The following DCDC1 variants were observed in gnomAD, a reference collection of about 807,000 sequenced individuals.
DCDC1 encodes doublecortin domain containing 1, also known as doublecortin domain-containing protein 1.
Under a neutral mutation model 178.3 loss-of-function variants are expected in DCDC1, and 200 were observed. That is an observed-to-expected ratio of 1.12 (90% confidence interval 1.00 to 1.26). DCDC1 has a LOEUF of 1.26. DCDC1 is among the 50% of genes most tolerant of loss of function. DCDC1 has a pLI of 0.00. For missense variants in DCDC1, 1,983 were observed against 1,749.2 expected (o/e 1.13, Z -2.38); for synonymous variants, 690 against 604.8 (o/e 1.14, Z -2.07).
chr11:30,891,178 G>A (rs1175195072), intron 36 of DCDC1, among the ~76,000 whole-genome samples: 1 of 152,032 alleles, frequency 6.6e-6, no homozygotes, highest in Non-Finnish European at 1.5e-5. Context: ...TGCTACTTAC[G>A]ACTATTGATG....
intron 36 of DCDC1, among the ~76,000 whole-genome samples, chr11:30,884,033 A>ATTTTTTTTTTTTTTTTTTTTTTTTTTT (rs59940255): frequency 3.1e-5 from 3 of 95,784 alleles, no homozygotes; most frequent in Admixed American, 1.3e-4. Context: ...ATTCTTTCTC[A>ATTTTTTTTTTTTTTTTTTTTTTTTTTT]TTTTTTTTTT....
chr11:31,303,196 A>G (rs1948227269), intron 6 of DCDC1, among the ~76,000 whole-genome samples: 1 of 152,222 alleles, frequency 6.6e-6, no homozygotes, highest in Non-Finnish European at 1.5e-5. Flanking sequence ...CACAGCTTTT[A>G]TCTTTCTCTG....
chr11:30,968,244 G>T (rs1003404497), intron 20 of DCDC1, among the ~76,000 whole-genome samples: 7 of 152,112 alleles, frequency 4.6e-5, no homozygotes, highest in Admixed American at 4.6e-4. Context: ...TTCCTGAGGG[G>T]TTTGAAGAGT....
intron 35 of DCDC1, among the ~76,000 whole-genome samples, chr11:30,893,573 C>T (rs754729097): frequency 2.0e-4 from 30 of 152,190 alleles, no homozygotes; most frequent in Non-Finnish European, 3.2e-4. Flanking sequence ...TAGCTTGGCA[C>T]GAAGTCTTAT....
chr11:31,046,726 G>C (rs1344377624), intron 20 of DCDC1, among the ~76,000 whole-genome samples: 1 of 151,586 alleles, frequency 6.6e-6, no homozygotes, highest in African/African-American at 2.4e-5. Context: ...CTCGTGATGA[G>C]AGCTTTCTGC....
At chr11:30,885,641 C>T (rs1943097824) in intron 36 of DCDC1, among the ~76,000 whole-genome samples, 1 of 151,976 alleles carries the variant, frequency 6.6e-6, no homozygotes, top group Non-Finnish European at 1.5e-5. Flanking sequence ...CATTTTTCTT[C>T]TGTCGAACCT....
At chr11:30,927,751 A>C (rs1398769658) in intron 22 of DCDC1, among the ~76,000 whole-genome samples, 1 of 152,196 alleles carries the variant, frequency 6.6e-6, no homozygotes, top group Non-Finnish European at 1.5e-5. Context: ...TGGAAAAATC[A>C]ACAACAACAA....
chr11:31,315,420 T>TC (rs1393158482), intron 3 of DCDC1, among the ~76,000 whole-genome samples: 4 of 135,616 alleles, frequency 2.9e-5, no homozygotes, highest in Admixed American at 8.6e-5. Context: ...CACTGCAAGC[T>TC]CCACCTCCCA....
chr11:30,979,682 C>T (rs1217870146), intron 20 of DCDC1, among the ~76,000 whole-genome samples: 2 of 152,142 alleles, frequency 1.3e-5, no homozygotes, highest in African/African-American at 4.8e-5. Flanking sequence ...TTACAGATGC[C>T]TACAGCCATA....
chr11:31,039,828 G>A (rs288467), intron 20 of DCDC1, among the ~76,000 whole-genome samples: 74,253 of 151,838 alleles, frequency 0.49, 18,407 homozygotes, highest in Middle Eastern at 0.57. Flanking sequence ...TACCTGGCTC[G>A]TGATAGTTGT....
chr11:30,988,015 G>C (rs1179454747), intron 20 of DCDC1, among the ~76,000 whole-genome samples: 1 of 151,614 alleles, frequency 6.6e-6, no homozygotes, highest in African/African-American at 2.4e-5. Context: ...TTAGATACAG[G>C]AGATTAGGTC....
chr11:31,242,773 T>A (rs1171820261), intron 8 of DCDC1, among the ~76,000 whole-genome samples: 1 of 151,912 alleles, frequency 6.6e-6, no homozygotes, highest in Non-Finnish European at 1.5e-5. Context: ...GTTATGCAAA[T>A]AGCCTTTGCT....
At chr11:31,345,836 G>A (rs1447517934) in intron 1 of DCDC1, among the ~76,000 whole-genome samples, 1 of 151,976 alleles carries the variant, frequency 6.6e-6, no homozygotes, top group Non-Finnish European at 1.5e-5. Context: ...AATATAGATG[G>A]AATAAAAGAA....
At chr11:30,951,567 G>A (rs10835728) in intron 21 of DCDC1, among the ~76,000 whole-genome samples, 71,366 of 151,672 alleles carry the variant, frequency 0.47, 18,148 homozygotes, top group Middle Eastern at 0.6. Context: ...GTGATCTAAT[G>A]GAAAATTATT....
chr11:31,209,249 A>T (rs1462154704), intron 9 of DCDC1, among the ~76,000 whole-genome samples: 1 of 152,226 alleles, frequency 6.6e-6, no homozygotes, highest in Admixed American at 6.5e-5. Flanking sequence ...AAAAGAAGTT[A>T]GAAGTGTCCT....
chr11:30,922,768 C>T, intron 23 of DCDC1, 130 bp from the exon 24 acceptor site: 1 of 878,970 alleles, frequency 1.1e-6, no homozygotes, highest in East Asian at 3.3e-5. Context: ...TTAAAGAAAA[C>T]TGTGTACCAC....
At chr11:31,080,828 G>T (rs1237872896) in intron 17 of DCDC1, among the ~76,000 whole-genome samples, 1 of 152,152 alleles carries the variant, frequency 6.6e-6, no homozygotes, top group Non-Finnish European at 1.5e-5. Context: ...ATAAATTATT[G>T]TGAGTATATT....
chr11:31,051,824 G>C lies in DCDC1; in HGVS notation c.2591+12645C>G, dbSNP rs538042913. Reference sequence around the variant, plus strand: ...ACCACTAAAAGAACTGCTAAAAGGAGCTCTAAATCTTGAAACAAATCCTAG... The same window carrying C: ...ACCACTAAAAGAACTGCTAAAAGGACCTCTAAATCTTGAAACAAATCCTAG... On this transcript the variant is annotated intron_variant, in intron 20 of 38. Transcript: ENST00000684477. Among the ~76,000 whole-genome samples, 23 of 152,222 alleles carry C rather than the reference G, an allele frequency of 1.5e-4. No homozygotes were observed. In the South Asian group the frequency reaches 4.3e-3, roughly 29 times the overall value.
chr11:30,919,627 T>C (rs1162532189), intron 25 of DCDC1, among the ~76,000 whole-genome samples: 1 of 152,212 alleles, frequency 6.6e-6, no homozygotes, highest in Non-Finnish European at 1.5e-5. Flanking sequence ...GGACCAATCA[T>C]TCTCTCTGAA....
Sources: allele counts gnomAD v4.1 joint callset (sites outside exome capture counted in the v4.1 genomes callset), GRCh38; gene constraint gnomAD v4.1.1; transcripts MANE v1.5; gene names NCBI Gene and HGNC (gene_info 2026-07-23, HGNC 2026-07-21).